EPHB2: variants seen among roughly 807,000 people sequenced by gnomAD.
EPHB2 encodes the protein ephrin type-B receptor 2.
In EPHB2, 18 loss-of-function variants were observed where a neutral mutation model predicts 96.4. That is an observed-to-expected ratio of 0.19 (90% CI 0.13 to 0.28). The LOEUF is 0.28. Among genes scored for constraint, EPHB2 ranks in the 10% least tolerant of loss-of-function variants. EPHB2 has a pLI of 1.00. For missense variants in EPHB2, 989 were observed against 1,355.4 expected, an observed-to-expected ratio of 0.73 and a Z score of 4.25; for synonymous variants, 506 against 534.1, an observed-to-expected ratio of 0.95 and a Z score of 0.72.
At chr1:22,911,268 AC>A (rs1310129959) in intron 14 of EPHB2, among the ~76,000 whole-genome samples, 1 of 152,102 alleles carries the variant, frequency 6.6e-6, no homozygotes, top group Non-Finnish European at 1.5e-5. Context: ...TCAAACCTGG[AC>A]CCTCTAACTT....
chr1:22,848,951 C>G (rs943253354), intron 3 of EPHB2, among the ~76,000 whole-genome samples: 1 of 152,086 alleles, frequency 6.6e-6, no homozygotes, highest in African/African-American at 2.4e-5. Context: ...CACTTCATTG[C>G]TTGGAGCCTC....
intron 6 of EPHB2, among the ~76,000 whole-genome samples, chr1:22,889,140 G>A (rs373476389): frequency 1.8e-4 from 27 of 152,278 alleles, no homozygotes; most frequent in African/African-American, 6.5e-4. Flanking sequence ...GGGTCACAGA[G>A]CAACACCCTG....
In EPHB2 at chr1:22,856,889, G is replaced by A. The variant is rs117958612; in HGVS notation, c.812-6148G>A. On this transcript the variant is annotated intron_variant, in intron 3 of 15. Coordinates refer to ENST00000374630, the MANE Select transcript of EPHB2 (RefSeq NM_017449.5). ...TTACCTTGTGTTCTAAGTGCTTTGT[G>A]TATATCAATCCATTCAAATCCACAG... 2.6e-5 allele frequency among the ~76,000 whole-genome samples: 4 copies of A among 152,340 alleles called. No homozygotes were observed. In the East Asian group the frequency reaches 7.7e-4, roughly 29 times the overall value.
intron 1 of EPHB2, among the ~76,000 whole-genome samples, chr1:22,748,232 G>A (rs1644005510): frequency 1.3e-5 from 2 of 152,176 alleles, no homozygotes; most frequent in Admixed American, 6.5e-5. Flanking sequence ...AAGTTTGGCT[G>A]TTATTCTTAA....
At chr1:22,799,149 C>T (rs1570297725) in intron 3 of EPHB2, among the ~76,000 whole-genome samples, 1 of 152,252 alleles carries the variant, frequency 6.6e-6, no homozygotes, top group East Asian at 1.9e-4. Flanking sequence ...AGAGCACTTC[C>T]CCTCGCTCCT....
chr1:22,906,622 GC>G lies in EPHB2; in HGVS notation c.1889-84del. On this transcript the variant is annotated intron_variant, in intron 10 of 15. Transcript: ENST00000374630. The surrounding 1 kb of genome is among the most constrained non-coding windows in gnomAD (Gnocchi z 4.8). ...CATTGAGAAGAAAATGTACCTGCAG[GC>G]CCCGTGAGTGGACATGACAGGGAAC... The G allele has an allele frequency of 4.4e-6, 7 of 1,588,356 alleles. No homozygotes were observed. Among genetic ancestry groups the G allele is most frequent in the Non-Finnish European group, 6.0e-6 (7 of 1,166,096 alleles).
At chr1:22,834,319 A>G (rs565738350) in intron 3 of EPHB2, among the ~76,000 whole-genome samples, 3 of 152,336 alleles carry the variant, frequency 2.0e-5, no homozygotes, top group African/African-American at 7.2e-5. Context: ...GTGTAGGAAC[A>G]GTTAACTCTC....
At chr1:22,879,020 C>T (rs543597924) in intron 5 of EPHB2, among the ~76,000 whole-genome samples, 10 of 152,316 alleles carry the variant, frequency 6.6e-5, no homozygotes, top group South Asian at 6.2e-4. Context: ...CCTGCTTGGC[C>T]GGCCCTCTGG....
intron 3 of EPHB2, among the ~76,000 whole-genome samples, chr1:22,802,967 G>A (rs1644867051): frequency 6.6e-6 from 1 of 152,120 alleles, no homozygotes; most frequent in Non-Finnish European, 1.5e-5. Flanking sequence ...GGAGCAGTAA[G>A]GACTATGGGG....
chr1:22,751,427 A>C (rs2165333), intron 1 of EPHB2, among the ~76,000 whole-genome samples: 4 of 152,340 alleles, frequency 2.6e-5, no homozygotes, highest in African/African-American at 9.6e-5. Context: ...TCTGAGCCCC[A>C]AGGCCCAAGC....
chr1:22,865,340 A>G (rs1638436774), intron 5 of EPHB2, 128 bp downstream of exon 5: 2 of 1,114,096 alleles, frequency 1.8e-6, no homozygotes, highest in Admixed American at 1.9e-5. Flanking sequence ...TTTTCATGTG[A>G]TCGGTCCACC....
At position 22,734,524 on chromosome 1, in the gene EPHB2, C is replaced by T. The variant is rs150992906; in HGVS notation, c.61+23481C>T. Reference sequence around the variant, plus strand: ...GCAACCTCTGCCTCCTGGGTTCAAGCGATTCTTGTGCCTCAGCCTCCCGAA... The same window carrying T: ...GCAACCTCTGCCTCCTGGGTTCAAGTGATTCTTGTGCCTCAGCCTCCCGAA... On this transcript the variant is annotated intron_variant, in intron 1 of 15. Coordinates refer to ENST00000374630, the MANE Select transcript of EPHB2 (RefSeq NM_017449.5). 2.0e-4 allele frequency among the ~76,000 whole-genome samples: 30 copies of T among 151,382 alleles called. No individual in the cohort carries two copies. In the East Asian group the frequency reaches 5.3e-3, roughly 27 times the overall value.
chr1:22,784,706 C>T lies in EPHB2; in HGVS notation c.441C>T (p.Phe147=). The change falls in exon 3 of 16, where the codon TTC becomes TTT. Residue 147 remains phenylalanine (F), a synonymous_variant. Transcript: ENST00000374630. The surrounding 1 kb of genome is among the most constrained non-coding windows in gnomAD (Gnocchi z 5.1). Reference sequence around the variant, plus strand: ...ATACCATTGCAGCCGACGAGAGCTTCTCCCAGGTGGACCTGGGTGGCCGCG... The same window carrying T: ...ATACCATTGCAGCCGACGAGAGCTTTTCCCAGGTGGACCTGGGTGGCCGCG... ...KVDTIAADES[F]SQVDLGGRVM... The T allele has an allele frequency of 6.2e-7, 1 of 1,613,896 alleles. No homozygotes were observed. Among genetic ancestry groups the T allele is most frequent in the Non-Finnish European group, 8.5e-7 (1 of 1,179,954 alleles).
chr1:22,841,522 C>T (rs1645468644), intron 3 of EPHB2, among the ~76,000 whole-genome samples: 1 of 152,192 alleles, frequency 6.6e-6, no homozygotes. Context: ...CCTCTCTGAG[C>T]CTCACTCCCC....
At chr1:22,868,463 ATATT>A (rs1442912101) in intron 5 of EPHB2, among the ~76,000 whole-genome samples, 2 of 152,076 alleles carry the variant, frequency 1.3e-5, no homozygotes, top group African/African-American at 4.8e-5. Context: ...TAAACAATAA[ATATT>A]TATTTTCTCA....
intron 3 of EPHB2, among the ~76,000 whole-genome samples, chr1:22,791,411 G>GA (rs1358831446): frequency 6.8e-6 from 1 of 147,272 alleles, no homozygotes; most frequent in East Asian, 2.0e-4. Flanking sequence ...TTTGTTTTAA[G>GA]AAAAAAATGG....
At chr1:22,877,010 G>C (rs917454262) in intron 5 of EPHB2, among the ~76,000 whole-genome samples, 1 of 152,256 alleles carries the variant, frequency 6.6e-6, no homozygotes. Context: ...CCCAGAGCTG[G>C]GGCGGGCCGG....
Position 22,913,029 on chromosome 1 carries a change from C to T in EPHB2, c.2852+430C>T. The T allele has an allele frequency of 2.9e-6, 1 of 349,806 alleles. No individual in the cohort carries two copies. Among genetic ancestry groups the T allele is most frequent in the South Asian group, 2.4e-5 (1 of 41,994 alleles). 21.7% of individuals were successfully genotyped at this position (349,806 alleles called of 1,614,324 possible). On this transcript the variant is annotated intron_variant, in intron 15 of 15. Transcript: ENST00000374630. The surrounding 1 kb of genome is among the most constrained non-coding windows in gnomAD (Gnocchi z 4.1). ...CCAACATGGTGAAACCCCGTCTCTA[C>T]TAAAATGCAAAAAATTAGCCACGCA... is the stretch of plus-strand genomic sequence containing the variant.
At chr1:22,886,136 C>T (rs1364532876) in intron 6 of EPHB2, among the ~76,000 whole-genome samples, 1 of 152,212 alleles carries the variant, frequency 6.6e-6, no homozygotes. Context: ...ACAGTCCTGG[C>T]ATGAGTGAGG....
Sources: gnomAD v4.1 joint callset for allele counts (sites outside exome capture counted in the v4.1 genomes callset) on GRCh38, gnomAD v4.1.1 for gene constraint, Gnocchi (gnomAD v3.1) non-coding constraint, MANE v1.5 for transcripts, NCBI Gene and HGNC (gene_info 2026-07-23, HGNC 2026-07-21) for gene names.